The following MAX variants were observed in gnomAD, a reference collection of about 807,000 sequenced individuals.
MAX encodes MYC associated transcriptional regulator X.
Under a neutral mutation model 22.3 loss-of-function variants are expected in MAX, and 3 were observed. That is an observed-to-expected ratio of 0.13 (90% CI 0.06 to 0.35). The LOEUF (loss-of-function observed/expected upper bound fraction) is 0.35. MAX is among the 10% of genes least tolerant of loss of function. MAX has a pLI of 1.00. For missense variants in MAX, 119 were observed against 209.4 expected, an observed-to-expected ratio of 0.57 and a Z score of 2.66; for synonymous variants, 72 against 77.7, an observed-to-expected ratio of 0.93 and a Z score of 0.39.
rs766338234 is a variant in MAX at position 65,101,561 on chromosome 14, C to G, written c.48G>C (p.Pro16=). ...DIEVESDEEQ[P]RFQSAADKRA... The stretch of plus-strand genomic sequence containing the variant: ...GGAGACGTACCGCAGATTGAAACCT[C>G]GGTTGCTCTTCCTGGAATAAGAGAG... Residue 16 remains proline, a synonymous_variant, in exon 2 of 5, where the codon CCG becomes CCC. Coordinates refer to ENST00000358664, the MANE Select transcript of MAX (RefSeq NM_002382.5). 7 of 1,607,810 alleles carry G rather than the reference C, an allele frequency of 4.4e-6. No individual in the cohort carries two copies. Among genetic ancestry groups the G allele is most frequent in the Non-Finnish European group, 6.0e-6 (7 of 1,175,240 alleles).
chr14:65,058,075 T>C (rs1289571230), intron 3 of MAX, among the ~76,000 whole-genome samples: 1 of 152,126 alleles, frequency 6.6e-6, no homozygotes, highest in African/African-American at 2.4e-5. Flanking sequence ...TTTATTGGAA[T>C]TGCACTACAT....
intron 3 of MAX, chr14:65,015,738 C>G: frequency 6.2e-7 from 1 of 1,607,548 alleles, no homozygotes; most frequent in East Asian, 2.2e-5. Flanking sequence ...TTTGGGAAAT[C>G]TGGGGTGTTC....
chr14:65,027,511 G>T lies in MAX; in HGVS notation c.172-21227C>A, dbSNP rs993532003. On this transcript the variant is annotated intron_variant, in intron 3 of 3. Coordinates refer to the MAX transcript ENST00000341653. This position sits in a 1 kb window ranked among gnomAD's most constrained non-coding sequence, Gnocchi z 5.7. ...AGAAGGTGGCTTTGGAGGAGGACCC[G>T]GTCAGTATCCACACCTTGCACCCAC... 6.2e-7 allele frequency: 1 copy of T among 1,614,058 alleles called. No homozygotes were observed. Among genetic ancestry groups the T allele is most frequent in the Non-Finnish European group, 8.5e-7 (1 of 1,180,042 alleles).
In MAX at chr14:65,031,979, CGTGTGT is replaced by C. The variant is rs563468928; in HGVS notation, c.172-25701_172-25696del. Among the ~76,000 whole-genome samples, 13,456 of 141,232 alleles carry C rather than the reference CGTGTGT, an allele frequency of 0.095. 769 individuals carry two copies. The highest frequency in any genetic ancestry group is 0.17 in the Admixed American group (2,367 of 14,166). 92.7% of individuals were successfully genotyped at this position (141,232 alleles called of 152,430 possible). A position where few individuals can be genotyped will look rare whatever the true frequency, so the allele number is the denominator to read the frequency against. On this transcript the variant is annotated intron_variant, in intron 3 of 3. Coordinates refer to the MAX transcript ENST00000341653. This position sits in a 1 kb window ranked among gnomAD's most constrained non-coding sequence, Gnocchi z 4.6. Reference sequence around the variant, plus strand: ...ATAGACGTGCGCCTTTTTCATTTAACGTGTGTGTGTGTGTGTGTGTGTGTGTGTGTG... The same window carrying C: ...ATAGACGTGCGCCTTTTTCATTTAACGTGTGTGTGTGTGTGTGTGTGTGTG...
intron 3 of MAX, among the ~76,000 whole-genome samples, chr14:65,092,768 A>C (rs566671626): frequency 6.6e-6 from 1 of 152,370 alleles, no homozygotes; most frequent in African/African-American, 2.4e-5. Flanking sequence ...TAAGGGTTCC[A>C]AATTTGATCT....
intron 3 of MAX, among the ~76,000 whole-genome samples, chr14:65,092,436 G>A (rs2063535415): frequency 6.6e-6 from 1 of 152,218 alleles, no homozygotes; most frequent in South Asian, 2.1e-4. Flanking sequence ...AAGCCTAAGA[G>A]ATAATCTTTG....
Position 65,027,255 on chromosome 14 carries a change from G to A in MAX, c.172-20971C>T. 1 of 821,494 alleles carries A rather than the reference G, an allele frequency of 1.2e-6. No homozygotes were observed. The highest frequency in any genetic ancestry group is 3.8e-4 in the Middle Eastern group (1 of 2,626). The allele number at this position is 821,494 out of a possible 1,614,324, so 50.9% of individuals were successfully genotyped here. The stretch of plus-strand genomic sequence containing the variant: ...CGCTTAAGTACGAAACTCAGAGGAG[G>A]GCAGACAGAAATGATGATAGCTGGA... On this transcript the variant is annotated intron_variant, in intron 3 of 3. Coordinates refer to the MAX transcript ENST00000341653. The surrounding 1 kb of genome is among the most constrained non-coding windows in gnomAD (Gnocchi z 5.7).
chr14:65,046,293 A>G (rs1332092672), intron 3 of MAX, among the ~76,000 whole-genome samples: 1 of 152,182 alleles, frequency 6.6e-6, no homozygotes, highest in Non-Finnish European at 1.5e-5. Flanking sequence ...TCTAAGATAG[A>G]AAAAAACTTG....
chr14:65,075,702 C>T lies in MAX; in HGVS notation c.*774G>A. ...AAAACCTCTATGCCACCCAAAACAC[C>T]CTCCCTGTCCCAACCCCAAATGGCC... On this transcript the variant is annotated 3_prime_UTR_variant, in exon 5 of 5. Coordinates refer to ENST00000358664, the MANE Select transcript of MAX (RefSeq NM_002382.5). The surrounding 1 kb of genome is among the most constrained non-coding windows in gnomAD (Gnocchi z 4.1). 9.4e-7 allele frequency: 1 copy of T among 1,066,444 alleles called. No homozygotes were observed. The highest frequency in any genetic ancestry group is 1.1e-6 in the Non-Finnish European group (1 of 879,796). The allele number at this position is 1,066,444 out of a possible 1,614,324, so 66.1% of individuals were successfully genotyped here. A position where few individuals can be genotyped will look rare whatever the true frequency, so the allele number is the denominator to read the frequency against.
At position 65,007,103 on chromosome 14, in the gene MAX, C is replaced by T. The variant is rs937409020; in HGVS notation, c.172-819G>A. ...GCTAATTAATATTGGAGATACTATA[C>T]ATTTTGGCTGAATGGCTGAGTATAT... On this transcript the variant is annotated intron_variant, in intron 3 of 3. Coordinates refer to the MAX transcript ENST00000341653. This position sits in a 1 kb window ranked among gnomAD's most constrained non-coding sequence, Gnocchi z 4.9. 6.6e-6 allele frequency among the ~76,000 whole-genome samples: 1 copy of T among 152,178 alleles called. No homozygotes were observed. The highest frequency in any genetic ancestry group is 1.5e-5 in the Non-Finnish European group (1 of 68,034).
At position 65,029,923 on chromosome 14, in the gene MAX, G is replaced by C. The variant is rs764782528; in HGVS notation, c.172-23639C>G. On this transcript the variant is annotated intron_variant, in intron 3 of 3. Transcript: ENST00000341653. This position sits in a 1 kb window ranked among gnomAD's most constrained non-coding sequence, Gnocchi z 4.7. ...AGAGAGAGCAGGAAGACTGATCCAG[G>C]TTGAAGAAGGCTTGGATTTGGGTGA... Among the ~76,000 whole-genome samples the C allele has an allele frequency of 1.8e-4, 27 of 152,234 alleles. No homozygotes were observed. The highest frequency in any genetic ancestry group is 3.7e-4 in the Non-Finnish European group (25 of 68,046).
intron 3 of MAX, chr14:65,015,605 C>G (rs368191637): frequency 1.1e-4 from 184 of 1,613,332 alleles, no homozygotes; most frequent in Non-Finnish European, 1.5e-4. Context: ...GGGATGTTTT[C>G]TCTCCTGTCT....
intron 3 of MAX, among the ~76,000 whole-genome samples, chr14:65,026,900 G>A (rs1030289033): frequency 6.6e-6 from 1 of 152,208 alleles, no homozygotes; most frequent in Middle Eastern, 3.4e-3. Context: ...CTTCTTACTG[G>A]TGGAGTAGAA....
At chr14:65,006,624 TCACCCG>T (rs2061597112) in intron 3 of MAX, among the ~76,000 whole-genome samples, 1 of 152,184 alleles carries the variant, frequency 6.6e-6, no homozygotes, top group Non-Finnish European at 1.5e-5. Flanking sequence ...CCCCGATGAC[TCACCCG>T]ATCGGGCTGA....
intron 3 of MAX, among the ~76,000 whole-genome samples, chr14:65,049,334 A>G (rs2062557505): frequency 6.6e-6 from 1 of 152,142 alleles, no homozygotes; most frequent in Non-Finnish European, 1.5e-5. Context: ...GGCTGCACCT[A>G]TCAGTTATGG....
chr14:65,071,752 C>A (rs148969789), downstream of MAX, among the ~76,000 whole-genome samples: 617 of 152,346 alleles, frequency 4.0e-3, 6 homozygotes, highest in African/African-American at 0.014. This position sits in a 1 kb window ranked among gnomAD's most constrained non-coding sequence, Gnocchi z 4.2. Flanking sequence ...TGGGCTCCTT[C>A]CCAACACCGA....
Position 65,012,444 on chromosome 14 carries a change from C to T in MAX, c.172-6160G>A. On this transcript the variant is annotated intron_variant, in intron 3 of 3. Coordinates refer to the MAX transcript ENST00000341653. The surrounding 1 kb of genome is among the most constrained non-coding windows in gnomAD (Gnocchi z 5.0). ...TCAAATTATCCACCAAATCCTCCTC[C>T]TTTTTCTATTTAAACGTAAAAGACT... 6.2e-7 allele frequency: 1 copy of T among 1,607,936 alleles called. No homozygotes were observed. Among genetic ancestry groups the T allele is most frequent in the East Asian group, 2.2e-5 (1 of 44,696 alleles).
At chr14:65,060,115 G>A (rs1022908960) in intron 3 of MAX, among the ~76,000 whole-genome samples, 9 of 151,648 alleles carry the variant, frequency 5.9e-5, no homozygotes, top group African/African-American at 1.9e-4. Context: ...TTACAGGCAT[G>A]AGCCACCGCG....
intron 3 of MAX, among the ~76,000 whole-genome samples, chr14:65,038,867 C>T (rs2062277414): frequency 1.3e-5 from 2 of 152,130 alleles, no homozygotes; most frequent in Non-Finnish European, 2.9e-5. Context: ...GTTTTCCTCC[C>T]TGACTACTTT....
Sources: gnomAD v4.1 joint callset for allele counts (sites outside exome capture counted in the v4.1 genomes callset) on GRCh38, gnomAD v4.1.1 for gene constraint, Gnocchi (gnomAD v3.1) non-coding constraint, MANE v1.5 for transcripts, NCBI Gene and HGNC (gene_info 2026-07-23, HGNC 2026-07-21) for gene names.